The following AXIN1 variants were observed in gnomAD, a reference collection of about 807,000 sequenced individuals.
The protein encoded by AXIN1 is axin 1, also known as axin-1.
Under a neutral mutation model 76.4 loss-of-function variants are expected in AXIN1, and 30 were observed. The observed-to-expected ratio is 0.39, with a 90% CI of 0.29 to 0.53. The LOEUF (loss-of-function observed/expected upper bound fraction) is 0.53. Among genes scored for constraint, AXIN1 ranks in the 20% least tolerant of loss-of-function variants. The probability of loss-of-function intolerance (pLI) is 0.66; values close to 1 mark genes in which losing one functional copy is unlikely to be tolerated. For synonymous variants in AXIN1, 545 were observed against 501.4 expected, an observed-to-expected ratio of 1.09 and a Z score of -1.16; for missense variants, 1,140 against 1,198.8, an observed-to-expected ratio of 0.95 and a Z score of 0.72.
chr16:319,673 C>G (rs1269727984), intron 2 of AXIN1, among the ~76,000 whole-genome samples: 3 of 152,206 alleles, frequency 2.0e-5, no homozygotes, highest in Non-Finnish European at 4.4e-5. Flanking sequence ...CTCTGGGACT[C>G]CCGCGGCTGC....
chr16:321,578 G>A (rs576678757), intron 2 of AXIN1, among the ~76,000 whole-genome samples: 10 of 152,354 alleles, frequency 6.6e-5, no homozygotes, highest in South Asian at 2.1e-4. Context: ...CTGGGAATAC[G>A]AGGTAGAAGG....
At chr16:316,703 C>T (rs1489693813) in intron 2 of AXIN1, among the ~76,000 whole-genome samples, 2 of 152,100 alleles carry the variant, frequency 1.3e-5, no homozygotes, top group Non-Finnish European at 2.9e-5. Context: ...TGCACCCTGA[C>T]AGTCGTCAGC....
chr16:293,188 AC>A lies in AXIN1; in HGVS notation c.2186+299del. The A allele has an allele frequency of 2.0e-6, 1 of 496,750 alleles. No homozygotes were observed. Among genetic ancestry groups the A allele is most frequent in the Non-Finnish European group, 3.6e-6 (1 of 274,090 alleles). The allele number at this position is 496,750 out of a possible 1,614,324, so 30.8% of individuals were successfully genotyped here. A position where few individuals can be genotyped will look rare whatever the true frequency, so the allele number is the denominator to read the frequency against. ...GGCTGGGGACCGGCGTTCCCCACAC[AC>A]TGGGGCCCTGCAGCCTCCCTGCAGA... On this transcript the variant is annotated intron_variant, in intron 8 of 10. Transcript: ENST00000262320. This position sits in a 1 kb window ranked among gnomAD's most constrained non-coding sequence, Gnocchi z 4.6.
At chr16:332,629 G>C (rs967940611) in intron 2 of AXIN1, among the ~76,000 whole-genome samples, 5 of 105,438 alleles carry the variant, frequency 4.7e-5, no homozygotes, top group Non-Finnish European at 9.6e-5. Context: ...AACATCTCCA[G>C]AAAGATTTTG....
intron 2 of AXIN1, among the ~76,000 whole-genome samples, chr16:320,743 A>ATATATATATATATTTTTTT (rs397722732): frequency 9.3e-6 from 1 of 107,664 alleles, no homozygotes; most frequent in African/African-American, 4.6e-5. Flanking sequence ...ATATATATAT[A>ATATATATATATATTTTTTT]TTTTTTTTTT....
intron 4 of AXIN1, among the ~76,000 whole-genome samples, chr16:307,844 C>A (rs1414477938): frequency 6.6e-6 from 1 of 152,186 alleles, no homozygotes; most frequent in Non-Finnish European, 1.5e-5. Flanking sequence ...TCCTGGGCCT[C>A]CCCCCGCCTC....
chr16:287,754 G>A lies in AXIN1; in HGVS notation c.*368C>T, dbSNP rs2052421584. 6 of 422,492 alleles carry A rather than the reference G, an allele frequency of 1.4e-5. No homozygotes were observed. The Admixed American group carries it at 2.2e-4, about 15-fold the overall frequency. 26.2% of individuals were successfully genotyped at this position (422,492 alleles called of 1,614,324 possible). A position where few individuals can be genotyped will look rare whatever the true frequency, so the allele number is the denominator to read the frequency against. ...TGCATCCGGGCCTGGGCCCCACCCA[G>A]ACCTGGGTACGTGGGCAAATCCCAG... is the stretch of plus-strand genomic sequence containing the variant. On this transcript the variant is annotated 3_prime_UTR_variant, in exon 11 of 11. Coordinates refer to ENST00000262320, the MANE Select transcript of AXIN1 (RefSeq NM_003502.4).
At chr16:306,248 A>C (rs191354797) in intron 4 of AXIN1, among the ~76,000 whole-genome samples, 1 of 152,326 alleles carries the variant, frequency 6.6e-6, no homozygotes, top group African/African-American at 2.4e-5. Context: ...GGTCGCTCTC[A>C]TACCTAACCA....
rs73486275 is a variant in AXIN1, at chr16:325,079, G to A, written c.879-10396C>T. ...ATCACAGCCTCAGCCCCGCGGGCGC[G>A]CCCCAGGAAACCATGGCCTCAGCCC... is the stretch of plus-strand genomic sequence containing the variant. On this transcript the variant is annotated intron_variant, in intron 2 of 10. Transcript: ENST00000262320. Among the ~76,000 whole-genome samples the A allele has an allele frequency of 6.1e-3, 919 of 150,398 alleles. 8 individuals are homozygous for A. The highest frequency in any genetic ancestry group is 0.021 in the African/African-American group (880 of 41,040).
At chr16:300,352 T>C (rs2052837127) in intron 5 of AXIN1, among the ~76,000 whole-genome samples, 1 of 151,150 alleles carries the variant, frequency 6.6e-6, no homozygotes, top group Non-Finnish European at 1.5e-5. Context: ...CCATGTCCCA[T>C]TAATTTTTTC....
At chr16:336,290 T>C (rs2053801717) in intron 2 of AXIN1, among the ~76,000 whole-genome samples, 1 of 152,092 alleles carries the variant, frequency 6.6e-6, no homozygotes, top group Non-Finnish European at 1.5e-5. Flanking sequence ...CATGCCCTGG[T>C]GCATGAACAC....
At chr16:309,871 G>A in intron 4 of AXIN1, 102 bp downstream of exon 4, 2 of 1,162,226 alleles carry the variant, frequency 1.7e-6, no homozygotes, top group Non-Finnish European at 2.5e-6. Context: ...GGTAAGCCTG[G>A]CTCGTGGGAG....
intron 2 of AXIN1, among the ~76,000 whole-genome samples, chr16:337,798 G>C (rs1248712318): frequency 6.6e-6 from 1 of 152,244 alleles, no homozygotes; most frequent in East Asian, 1.9e-4. Context: ...TGGAGGAGAA[G>C]GGGCATGGAA....
intron 10 of AXIN1, among the ~76,000 whole-genome samples, chr16:288,621 C>T (rs1596959270): frequency 6.6e-6 from 1 of 152,348 alleles, no homozygotes; most frequent in East Asian, 1.9e-4. Context: ...ACCACATCTG[C>T]AGTCATGGGG....
Position 293,093 on chromosome 16 carries a change from C to T in AXIN1, c.2186+395G>A. On this transcript the variant is annotated intron_variant, in intron 8 of 10. Coordinates refer to ENST00000262320, the MANE Select transcript of AXIN1 (RefSeq NM_003502.4). The surrounding 1 kb of genome is among the most constrained non-coding windows in gnomAD (Gnocchi z 4.6). Reference sequence around the variant, plus strand: ...CTCAGGGCTCCTGGGACGCAACTGTCAAGAGGCAGCCGCCATGCCTCCAGG... The same window carrying T: ...CTCAGGGCTCCTGGGACGCAACTGTTAAGAGGCAGCCGCCATGCCTCCAGG... 3.6e-6 allele frequency: 1 copy of T among 279,890 alleles called. No homozygotes were observed. Among genetic ancestry groups the T allele is most frequent in the Non-Finnish European group, 6.9e-6 (1 of 145,868 alleles). 17.3% of individuals were successfully genotyped at this position (279,890 alleles called of 1,614,324 possible).
chr16:343,089 A>G (rs1327501471), intron 2 of AXIN1, among the ~76,000 whole-genome samples: 1 of 152,204 alleles, frequency 6.6e-6, no homozygotes, highest in Non-Finnish European at 1.5e-5. Flanking sequence ...TCCCACAGAG[A>G]GGATTCAACC....
chr16:337,072 C>A (rs2053820560), intron 2 of AXIN1, among the ~76,000 whole-genome samples: 1 of 143,666 alleles, frequency 7.0e-6, no homozygotes, highest in African/African-American at 2.6e-5. Context: ...AGCTCTTGAG[C>A]CTGGGAGGGA....
chr16:309,307 GA>G (rs1047984956), intron 4 of AXIN1, among the ~76,000 whole-genome samples: 21 of 147,800 alleles, frequency 1.4e-4, no homozygotes, highest in Admixed American at 1.0e-3. Context: ...AAAAAAAAAA[GA>G]AAACACTTTT....
intron 2 of AXIN1, among the ~76,000 whole-genome samples, chr16:320,489 C>T (rs550916198): frequency 1.1e-4 from 17 of 152,134 alleles, no homozygotes; most frequent in South Asian, 6.2e-4. Context: ...TATGATGCTT[C>T]GCTGTGATGG....
Sources: gnomAD v4.1 joint callset for allele counts (sites outside exome capture counted in the v4.1 genomes callset) on GRCh38, gnomAD v4.1.1 for gene constraint, Gnocchi (gnomAD v3.1) non-coding constraint, MANE v1.5 for transcripts, NCBI Gene and HGNC (gene_info 2026-07-23, HGNC 2026-07-21) for gene names.